Variants in CES4A observed in about 807,000 individuals in gnomAD.
The protein encoded by CES4A is carboxylesterase 6.
Under a neutral mutation model 65.4 loss-of-function variants are expected in CES4A, and 48 were observed. That is an observed-to-expected ratio of 0.73 (90% CI 0.58 to 0.93). CES4A has a LOEUF of 0.93. Among genes scored for constraint, CES4A ranks in the 40% least tolerant of loss-of-function variants. The probability of loss-of-function intolerance (pLI) is 0.00; values close to 1 mark genes in which losing one functional copy is unlikely to be tolerated. For synonymous variants in CES4A, 247 were observed against 281.8 expected (o/e 0.88, Z 1.24); for missense variants, 685 against 728.5 (o/e 0.94, Z 0.69).
rs1965299307 is a variant in CES4A, at chr16:67,001,106, G to T, written c.536+116G>T. On this transcript the variant is annotated intron_variant, in intron 4 of 13. Transcript: ENST00000648724. The surrounding 1 kb of genome is among the most constrained non-coding windows in gnomAD (Gnocchi z 4.1). ...GGGGGGGGTGGGGCCGCGAGGCGGG[G>T]GCGGGGCCTGGCGCTCGGTGGAAGG... 8.0e-7 allele frequency: 1 copy of T among 1,255,036 alleles called. No individual in the cohort carries two copies. The highest frequency in any genetic ancestry group is 1.5e-5 in the African/African-American group (1 of 66,434). 77.7% of individuals were successfully genotyped at this position (1,255,036 alleles called of 1,614,324 possible).
downstream of CES4A, among the ~76,000 whole-genome samples, chr16:67,010,088 G>A (rs1359658557): frequency 6.8e-6 from 1 of 146,048 alleles, no homozygotes; most frequent in African/African-American, 2.5e-5. Context: ...TTTTTGAGAC[G>A]GAGTTTTGCT....
chr16:67,006,555 C>T, intron 12 of CES4A, 36 bp downstream of exon 12: 1 of 1,547,594 alleles, frequency 6.5e-7, no homozygotes, highest in Non-Finnish European at 8.7e-7. Context: ...AACTGGGTGT[C>T]CAGTCTCCCA....
In CES4A at chr16:67,000,892, G is replaced by A. The variant is rs756368511; in HGVS notation, c.438G>A (p.Val146=). The A allele has an allele frequency of 2.2e-5, 36 of 1,610,136 alleles. No homozygotes were observed. Among genetic ancestry groups the A allele is most frequent in the Non-Finnish European group, 2.9e-5 (34 of 1,178,342 alleles). Residue 146 remains valine, a synonymous_variant, in exon 4 of 14, where the codon GTG becomes GTA. Transcript: ENST00000648724. The surrounding 1 kb of genome is among the most constrained non-coding windows in gnomAD (Gnocchi z 4.2). ...GGTTCCCGGGAGGCGCCTTCATCGT[G>A]GGCGCTGCTTCTTCGTACGAGGGCT...
chr16:67,000,976 C>A lies in CES4A; in HGVS notation c.522C>A (p.Ile174=), dbSNP rs1284369042. The A allele has an allele frequency of 1.2e-6, 2 of 1,611,534 alleles. No individual in the cohort carries two copies. The highest frequency in any genetic ancestry group is 4.5e-5 in the East Asian group (2 of 44,724). ...TGTTTCTGCAGCACAGGCTCGGCAT[C>A]TTCGGCTTCCTGAGGTGGCGGGGCC... The change falls in exon 4 of 14, where the codon ATC becomes ATA. Residue 174 remains isoleucine (I), a synonymous_variant. Coordinates refer to ENST00000648724, the Ensembl canonical transcript of CES4A. The surrounding 1 kb of genome is among the most constrained non-coding windows in gnomAD (Gnocchi z 4.2).
chr16:67,010,071 T>G (rs529148226), downstream of CES4A, among the ~76,000 whole-genome samples: 1 of 151,210 alleles, frequency 6.6e-6, no homozygotes, highest in South Asian at 2.1e-4. Flanking sequence ...TGGGGTTTTT[T>G]TTTTTTTTTT....
chr16:66,999,708 A>G (rs1205568459), intron 2 of CES4A, among the ~76,000 whole-genome samples: 1 of 152,174 alleles, frequency 6.6e-6, no homozygotes, highest in Non-Finnish European at 1.5e-5. Context: ...AGATTGAGGT[A>G]GGAGAATTGC....
intron 1 of CES4A, among the ~76,000 whole-genome samples, chr16:66,990,661 T>A (rs1964315683): frequency 6.6e-6 from 1 of 151,904 alleles, no homozygotes; most frequent in African/African-American, 2.4e-5. Flanking sequence ...ATCATGCCAC[T>A]GCCTTCCAGC....
rs1265061356 is a variant in CES4A, at chr16:67,003,997, G to C, written c.940-87G>C. On this transcript the variant is annotated intron_variant, in intron 8 of 13. Transcript: ENST00000648724. This position sits in a 1 kb window ranked among gnomAD's most constrained non-coding sequence, Gnocchi z 4.2. ...TTTCCCAATCAAAGAACCTAGGCTA[G>C]AGCAGCCTCTGAAGGGGCACCCAAG... 3.4e-5 allele frequency: 47 copies of C among 1,385,488 alleles called. No individual in the cohort carries two copies. The South Asian group carries it at 4.2e-4, about 12-fold the overall frequency. 85.8% of individuals were successfully genotyped at this position (1,385,488 alleles called of 1,614,324 possible).
At chr16:66,997,371 G>GA (rs777569353) in intron 2 of CES4A, among the ~76,000 whole-genome samples, 70 of 152,290 alleles carry the variant, frequency 4.6e-4, no homozygotes, top group Non-Finnish European at 6.3e-4. Context: ...TCAGGTGTAA[G>GA]AATTTGTGGA....
chr16:66,995,958 C>T, intron 2 of CES4A, 129 bp downstream of exon 2: 1 of 861,868 alleles, frequency 1.2e-6, no homozygotes, highest in Non-Finnish European at 1.9e-6. Flanking sequence ...CCATTCTGGG[C>T]CTCAGTTTTC....
chr16:67,004,494 T>C (rs556323723), intron 9 of CES4A, among the ~76,000 whole-genome samples: 1 of 152,338 alleles, frequency 6.6e-6, no homozygotes, highest in East Asian at 1.9e-4. Flanking sequence ...ATGATGTTCA[T>C]TCCCAAGCCT....
chr16:67,007,133 C>T, intron 13 of CES4A: 1 of 333,596 alleles, frequency 3.0e-6, no homozygotes, highest in Non-Finnish European at 5.5e-6. Context: ...TGAGCCCCAT[C>T]CTCCAGCAGC....
At position 67,001,054 on chromosome 16, in the gene CES4A, G is replaced by A; in HGVS notation, c.536+64G>A. On this transcript the variant is annotated intron_variant, in intron 4 of 13. Transcript: ENST00000648724. The surrounding 1 kb of genome is among the most constrained non-coding windows in gnomAD (Gnocchi z 4.1). ...CAGAGCGGCGGGGACTGGGTGGGAA[G>A]GGAGGGGCGGGGCCTGGGGCGGGGA... The A allele has an allele frequency of 9.0e-7, 1 of 1,110,922 alleles. No homozygotes were observed. The highest frequency in any genetic ancestry group is 1.3e-6 in the Non-Finnish European group (1 of 762,878). 68.8% of individuals were successfully genotyped at this position (1,110,922 alleles called of 1,614,324 possible).
In CES4A at chr16:67,000,759, C is replaced by CCCGGGGATCCCCAGCTGCCAGTGAGTG. The variant is rs1965238559; in HGVS notation, c.385_402+9dup. On this transcript the variant is annotated inframe_insertion, in exon 3 of 14. Coordinates refer to ENST00000648724, the Ensembl canonical transcript of CES4A. This position sits in a 1 kb window ranked among gnomAD's most constrained non-coding sequence, Gnocchi z 4.2. ...GAACGTGTACGCGCCGGCGCGCGCG[C>CCCGGGGATCCCCAGCTGCCAGTGAGTG]CCGGGGATCCCCAGCTGCCAGTGAG... is the stretch of plus-strand genomic sequence containing the variant. 1.3e-6 allele frequency: 2 copies of CCCGGGGATCCCCAGCTGCCAGTGAGTG among 1,549,094 alleles called. No individual in the cohort carries two copies. The highest frequency in any genetic ancestry group is 1.7e-6 in the Non-Finnish European group (2 of 1,146,066).
intron 13 of CES4A, chr16:67,008,767 C>G (rs1414775852): frequency 3.6e-6 from 2 of 550,756 alleles, no homozygotes; most frequent in Non-Finnish European, 6.4e-6. Context: ...TCTTTTATAT[C>G]TCTCAACCTG....
chr16:67,009,183 C>G, exon 14 of CES4A: 1 of 1,580,276 alleles, frequency 6.3e-7, no homozygotes, highest in Non-Finnish European at 8.6e-7. Flanking sequence ...GGTTTGCCCC[C>G]ACCATCCAGG....
In CES4A at chr16:67,001,597, C is replaced by T; in HGVS notation, c.690+136C>T. The T allele has an allele frequency of 9.5e-7, 1 of 1,053,454 alleles. No individual in the cohort carries two copies. The highest frequency in any genetic ancestry group is 1.6e-5 in the African/African-American group (1 of 62,140). The allele number at this position is 1,053,454 out of a possible 1,614,324, so 65.3% of individuals were successfully genotyped here. On this transcript the variant is annotated intron_variant, in intron 5 of 13. Coordinates refer to ENST00000648724, the Ensembl canonical transcript of CES4A. The surrounding 1 kb of genome is among the most constrained non-coding windows in gnomAD (Gnocchi z 4.1). ...TGCCACAGAAATGCTCTCGCCCCTGCCAAGGGTACAGCCCCTCATAGCCAA... is the reference window on the plus strand; with the variant it reads ...TGCCACAGAAATGCTCTCGCCCCTGTCAAGGGTACAGCCCCTCATAGCCAA...
In CES4A at chr16:67,003,103, C is replaced by A. The variant is rs766181305; in HGVS notation, c.724C>A (p.Arg242=). The A allele has an allele frequency of 6.2e-7, 1 of 1,614,116 alleles. No individual in the cohort carries two copies. Among genetic ancestry groups the A allele is most frequent in the Non-Finnish European group, 8.5e-7 (1 of 1,179,994 alleles). Residue 242 remains arginine (R), a synonymous_variant, in exon 6 of 14, where the codon CGG becomes AGG. Transcript: ENST00000648724. This position sits in a 1 kb window ranked among gnomAD's most constrained non-coding sequence, Gnocchi z 4.2. ...ACCCCTAGCCTCGGGTCTCTTCCAT[C>A]GGGCCATTTCCCAGAGTGGCACCGC...
At chr16:67,004,972 A>G (rs766564251) in intron 10 of CES4A, 99 bp downstream of exon 10, 10 of 980,666 alleles carry the variant, frequency 1.0e-5, no homozygotes, top group African/African-American at 1.6e-5. Context: ...GCTCCCAGCC[A>G]GGGTAAGGAT....
Sources: gnomAD v4.1 joint callset for allele counts (sites outside exome capture counted in the v4.1 genomes callset) on GRCh38, gnomAD v4.1.1 for gene constraint, Gnocchi (gnomAD v3.1) non-coding constraint, MANE v1.5 for transcripts, NCBI Gene and HGNC (gene_info 2026-07-23, HGNC 2026-07-21) for gene names.